The following SRP72 variants were observed in gnomAD, a reference collection of about 807,000 sequenced individuals.
SRP72 encodes the protein signal recognition particle 72.
A neutral mutation model predicts 96.3 loss-of-function variants in SRP72; 49 were observed. That is an observed-to-expected ratio of 0.51 (90% confidence interval 0.40 to 0.65). The LOEUF is 0.65. Ranked by LOEUF, SRP72 falls within the 30% of genes least tolerant of loss-of-function variation. SRP72 has a pLI of 0.00. For missense variants in SRP72, 736 were observed against 793.3 expected, an observed-to-expected ratio of 0.93 and a Z score of 0.87; for synonymous variants, 267 against 275.2, an observed-to-expected ratio of 0.97 and a Z score of 0.30.
intron 17 of SRP72, among the ~76,000 whole-genome samples, chr4:56,499,490 A>G (rs1721185378): frequency 2.0e-5 from 3 of 152,338 alleles, no homozygotes; most frequent in Non-Finnish European, 2.9e-5. Context: ...ACAAAGGGCT[A>G]ATATCCAGAA....
chr4:56,497,517 C>T (rs889871243), intron 17 of SRP72, among the ~76,000 whole-genome samples: 10 of 152,112 alleles, frequency 6.6e-5, no homozygotes, highest in Non-Finnish European at 1.0e-4. Context: ...CTGCGCCCGG[C>T]CTGCACTTCA....
At chr4:56,482,989 G>A (rs2110121319) in intron 8 of SRP72, 150 bp from the exon 9 acceptor site, 2 of 610,478 alleles carry the variant, frequency 3.3e-6, no homozygotes, top group South Asian at 4.3e-5. Flanking sequence ...CTGTGAATCA[G>A]GATAAATTTA....
intron 11 of SRP72, among the ~76,000 whole-genome samples, chr4:56,487,137 T>C (rs1720738994): frequency 6.6e-6 from 1 of 152,192 alleles, no homozygotes; most frequent in Non-Finnish European, 1.5e-5. Context: ...ACAGCTCTGG[T>C]ATAGAATGTG....
At chr4:56,480,223 A>G (rs1226037831) in intron 8 of SRP72, among the ~76,000 whole-genome samples, 1 of 152,158 alleles carries the variant, frequency 6.6e-6, no homozygotes, top group Non-Finnish European at 1.5e-5. Flanking sequence ...GCAAAAATAT[A>G]TACCTGCCTA....
At chr4:56,478,297 C>G in intron 6 of SRP72, 82 bp from the exon 7 acceptor site, 1 of 1,387,004 alleles carries the variant, frequency 7.2e-7, no homozygotes, top group Non-Finnish European at 9.6e-7. Context: ...AGGATTGTAT[C>G]TCTTTTGAAT....
At chr4:56,501,082 C>T (rs1037800690) in intron 18 of SRP72, among the ~76,000 whole-genome samples, 2 of 152,048 alleles carry the variant, frequency 1.3e-5, no homozygotes, top group Non-Finnish European at 2.9e-5. Context: ...AGTATTAATA[C>T]GTTTTACATG....
chr4:56,497,409 C>T lies in SRP72; in HGVS notation c.1678+2015C>T, dbSNP rs186767514. Among the ~76,000 whole-genome samples the T allele has an allele frequency of 2.6e-4, 39 of 151,626 alleles. No individual in the cohort carries two copies. In the East Asian group the frequency reaches 7.0e-3, roughly 27 times the overall value. ...TAATTTTTTGTATTTTTAGTAGAGA[C>T]GGGGTTTCACCATGTTAGCTAGGAT... On this transcript the variant is annotated intron_variant, in intron 17 of 18. Coordinates refer to ENST00000642900, the MANE Select transcript of SRP72 (RefSeq NM_006947.4).
At chr4:56,497,037 T>C (rs912472636) in intron 17 of SRP72, among the ~76,000 whole-genome samples, 5 of 152,252 alleles carry the variant, frequency 3.3e-5, no homozygotes, top group Middle Eastern at 3.4e-3. Context: ...AACTTTTTTA[T>C]GTGTGTTTAT....
At chr4:56,495,631 T>G (rs1158340652) in intron 17 of SRP72, among the ~76,000 whole-genome samples, 1 of 152,232 alleles carries the variant, frequency 6.6e-6, no homozygotes, top group Non-Finnish European at 1.5e-5. Context: ...ACAGGCTATT[T>G]AATATACCTG....
In SRP72 at chr4:56,478,310, T is replaced by A. The variant is rs1004509417; in HGVS notation, c.643-69T>A. ...TCAGGATTGTATCTCTTTTGAATGT[T>A]TGGGTCATTTGGAAAATATGTAGAT... On this transcript the variant is annotated intron_variant, in intron 6 of 18. Transcript: ENST00000642900. The A allele has an allele frequency of 8.9e-6, 13 of 1,465,944 alleles. No individual in the cohort carries two copies. The African/African-American group carries it at 1.8e-4, about 21-fold the overall frequency. 90.8% of individuals were successfully genotyped at this position (1,465,944 alleles called of 1,614,324 possible). A position where few individuals can be genotyped will look rare whatever the true frequency, so the allele number is the denominator to read the frequency against.
At chr4:56,478,233 G>T in intron 6 of SRP72, 146 bp from the exon 7 acceptor site, 1 of 543,212 alleles carries the variant, frequency 1.8e-6, no homozygotes, top group South Asian at 7.9e-5. Flanking sequence ...CTCTCTTGCT[G>T]GCTGTTTCTA....
At chr4:56,484,968 C>A (rs1308344444) in intron 10 of SRP72, 104 bp downstream of exon 10, 12 of 1,336,492 alleles carry the variant, frequency 9.0e-6, no homozygotes, top group Admixed American at 6.2e-5. Context: ...GAAAACTAAT[C>A]AGAAATGTAC....
At chr4:56,489,560 C>A in intron 13 of SRP72, 77 bp downstream of exon 13, 2 of 810,370 alleles carry the variant, frequency 2.5e-6, no homozygotes, top group South Asian at 2.2e-5. Context: ...AAAATTCAGG[C>A]AAACAAGTAT....
chr4:56,490,340 C>A lies in SRP72; in HGVS notation c.1328C>A (p.Ser443Tyr). The change falls in exon 14 of 19, where the codon TCT becomes TAT. Residue 443 changes from serine to tyrosine, a missense_variant. Coordinates refer to ENST00000642900, the MANE Select transcript of SRP72 (RefSeq NM_006947.4). ...TTTTTATTGAAACTGTAGCCAAAAT[C>A]TCCTGCTCATTTGTCCTTGATAAGA... Reference protein sequence around the residue: ...IQWYQNHQPKSPAHLSLIREA... With the variant: ...IQWYQNHQPKYPAHLSLIREA... The A allele has an allele frequency of 6.2e-7, 1 of 1,607,722 alleles. No homozygotes were observed. Among genetic ancestry groups the A allele is most frequent in the Non-Finnish European group, 8.5e-7 (1 of 1,178,496 alleles).
intron 8 of SRP72, among the ~76,000 whole-genome samples, chr4:56,480,956 A>G (rs1430335153): frequency 1.3e-5 from 2 of 152,194 alleles, no homozygotes; most frequent in Non-Finnish European, 2.9e-5. Context: ...TTTGTAGGGG[A>G]AAAGTGAGAA....
intron 3 of SRP72, among the ~76,000 whole-genome samples, chr4:56,473,719 C>G (rs181305087): frequency 8.6e-5 from 13 of 151,802 alleles, no homozygotes; most frequent in Middle Eastern, 3.4e-3. Flanking sequence ...GAGCCAAGAT[C>G]GCGCCATTGC....
chr4:56,479,732 T>G (rs1399000273), intron 8 of SRP72, among the ~76,000 whole-genome samples: 3 of 152,034 alleles, frequency 2.0e-5, no homozygotes, highest in Non-Finnish European at 2.9e-5. Flanking sequence ...TCCTCCTGCC[T>G]CAGCCTCCCA....
intron 16 of SRP72, among the ~76,000 whole-genome samples, chr4:56,492,431 A>G (rs1041320696): frequency 1.3e-5 from 2 of 152,234 alleles, no homozygotes; most frequent in Admixed American, 6.5e-5. Context: ...GCAGAGACCT[A>G]CAGTAAAATG....
chr4:56,484,948 A>C, intron 10 of SRP72, 84 bp downstream of exon 10: 1 of 1,466,080 alleles, frequency 6.8e-7, no homozygotes, highest in Non-Finnish European at 9.0e-7. Flanking sequence ...CTAGCATGTA[A>C]ATTTAATGGG....
Sources: allele counts gnomAD v4.1 joint callset (sites outside exome capture counted in the v4.1 genomes callset), GRCh38; gene constraint gnomAD v4.1.1; transcripts MANE v1.5; gene names NCBI Gene and HGNC (gene_info 2026-07-23, HGNC 2026-07-21).